SNCAIP: variants seen among roughly 807,000 people sequenced by gnomAD.
SNCAIP encodes synphilin-1.
A neutral mutation model predicts 86.7 loss-of-function variants in SNCAIP; 43 were observed. The ratio of observed to expected loss-of-function variants is 0.50; its 90% CI spans 0.39 to 0.64. The LOEUF (loss-of-function observed/expected upper bound fraction) is 0.64. Among genes scored for constraint, SNCAIP ranks in the 30% least tolerant of loss-of-function variants. SNCAIP has a pLI of 0.00. For missense variants in SNCAIP, 981 were observed against 1,103.1 expected (o/e 0.89, Z 1.57); for synonymous variants, 417 against 427.2 (o/e 0.98, Z 0.29).
intron 1 of SNCAIP, among the ~76,000 whole-genome samples, chr5:122,359,427 G>A (rs918808839): frequency 2.0e-5 from 3 of 150,524 alleles, no homozygotes; most frequent in Admixed American, 6.6e-5. Context: ...TCAGTGGTGC[G>A]ATACCAGCTC....
chr5:122,432,867 T>C (rs1221570184), intron 6 of SNCAIP, among the ~76,000 whole-genome samples: 2 of 152,194 alleles, frequency 1.3e-5, no homozygotes, highest in African/African-American at 4.8e-5. Flanking sequence ...ATAATAGTAC[T>C]GTGTTAAAAT....
At chr5:122,370,088 G>C (rs1432872262) in intron 1 of SNCAIP, 2 of 152,034 alleles carry the variant, frequency 1.3e-5, no homozygotes, top group Non-Finnish European at 2.9e-5. Flanking sequence ...CCAACACTAA[G>C]AAAAATTAAA....
At chr5:122,430,863 A>G (rs1778283527) in intron 5 of SNCAIP, among the ~76,000 whole-genome samples, 1 of 152,020 alleles carries the variant, frequency 6.6e-6, no homozygotes, top group African/African-American at 2.4e-5. Context: ...AAAAATGTAA[A>G]AGTTGAGGAT....
At chr5:122,419,964 A>G (rs1776053103) in intron 3 of SNCAIP, among the ~76,000 whole-genome samples, 3 of 152,328 alleles carry the variant, frequency 2.0e-5, no homozygotes, top group African/African-American at 7.2e-5. Flanking sequence ...TGTCTTTTGT[A>G]TATAGCACAA....
At chr5:122,442,049 G>A (rs925623960) in intron 7 of SNCAIP, among the ~76,000 whole-genome samples, 10 of 150,492 alleles carry the variant, frequency 6.6e-5, no homozygotes, top group African/African-American at 1.7e-4. Context: ...AAGTTCATAC[G>A]GTTCAAAATA....
intron 1 of SNCAIP, chr5:122,389,772 G>C (rs1472737928): frequency 2.6e-5 from 4 of 152,092 alleles, no homozygotes; most frequent in Admixed American, 6.6e-5. Context: ...TTCTTGGATG[G>C]ACTCTGTATC....
intron 10 of SNCAIP, among the ~76,000 whole-genome samples, chr5:122,462,832 G>A (rs1250171107): frequency 6.6e-6 from 1 of 152,202 alleles, no homozygotes; most frequent in Non-Finnish European, 1.5e-5. Context: ...TTTACACCCA[G>A]AATGGGAGTA....
At chr5:122,395,732 G>T (rs1048915612) in intron 2 of SNCAIP, among the ~76,000 whole-genome samples, 2 of 152,006 alleles carry the variant, frequency 1.3e-5, no homozygotes, top group Admixed American at 6.6e-5. Context: ...CCCAGATTTT[G>T]TTACATTTTG....
intron 3 of SNCAIP, among the ~76,000 whole-genome samples, chr5:122,420,753 T>G (rs1049794825): frequency 3.9e-5 from 6 of 152,190 alleles, no homozygotes; most frequent in African/African-American, 1.4e-4. Flanking sequence ...AGTCATTAAT[T>G]TTTCATGGCT....
chr5:122,336,685 C>G (rs1284026863), intron 1 of SNCAIP: 1 of 152,372 alleles, frequency 6.6e-6, no homozygotes, highest in Admixed American at 6.5e-5. Context: ...TCTACAGCCT[C>G]AAACTTCTAG....
At chr5:122,411,770 C>T (rs1045824143) in intron 3 of SNCAIP, among the ~76,000 whole-genome samples, 2 of 152,142 alleles carry the variant, frequency 1.3e-5, no homozygotes, top group Non-Finnish European at 1.5e-5. Context: ...TGCAGACTCT[C>T]ACAATCAAAA....
At chr5:122,391,065 C>T (rs1483125962) in intron 1 of SNCAIP, 24 bp from the exon 2 acceptor site, 7 of 1,369,114 alleles carry the variant, frequency 5.1e-6, no homozygotes, top group Admixed American at 3.4e-5. Context: ...TTTTGCCTTT[C>T]TTTTCTGCTT....
chr5:122,344,067 CTTACT>C (rs1758117691), intron 1 of SNCAIP, among the ~76,000 whole-genome samples: 1 of 152,182 alleles, frequency 6.6e-6, no homozygotes, highest in South Asian at 2.1e-4. Context: ...GTCTCTCTCA[CTTACT>C]TTACTCAATT....
chr5:122,417,030 G>A (rs926406006), intron 3 of SNCAIP, among the ~76,000 whole-genome samples: 3 of 151,988 alleles, frequency 2.0e-5, no homozygotes, highest in Admixed American at 6.6e-5. Context: ...AAATCATACC[G>A]CTTTTCTTTC....
At chr5:122,403,696 A>C in intron 2 of SNCAIP, 97 bp from the exon 3 acceptor site, 1 of 955,914 alleles carries the variant, frequency 1.0e-6, no homozygotes, top group Admixed American at 1.7e-5. Context: ...TGTTGTGCCC[A>C]AGTATCACTT....
chr5:122,433,343 A>G (rs968559700), intron 6 of SNCAIP, among the ~76,000 whole-genome samples: 1 of 152,160 alleles, frequency 6.6e-6, no homozygotes, highest in Non-Finnish European at 1.5e-5. Flanking sequence ...AGAGAGTTAC[A>G]TGACTTGCAC....
intron 1 of SNCAIP, among the ~76,000 whole-genome samples, chr5:122,317,963 C>T (rs1379935439): frequency 6.6e-6 from 1 of 152,000 alleles, no homozygotes; most frequent in Non-Finnish European, 1.5e-5. Flanking sequence ...ATCCATCCTC[C>T]TCACCGCTGC....
chr5:122,377,878 T>C (rs936549421), intron 1 of SNCAIP, among the ~76,000 whole-genome samples: 4 of 151,972 alleles, frequency 2.6e-5, no homozygotes, highest in Non-Finnish European at 5.9e-5. Flanking sequence ...CTCATCATTT[T>C]TTATGGCTGC....
chr5:122,360,257 G>A (rs1324023588), intron 1 of SNCAIP, among the ~76,000 whole-genome samples: 5 of 152,194 alleles, frequency 3.3e-5, no homozygotes, highest in Admixed American at 2.6e-4. Flanking sequence ...ATGTAAGAAT[G>A]TTTGCAAGTG....
Sources: allele counts gnomAD v4.1 joint callset (sites outside exome capture counted in the v4.1 genomes callset), GRCh38; gene constraint gnomAD v4.1.1; transcripts MANE v1.5; gene names NCBI Gene and HGNC (gene_info 2026-07-23, HGNC 2026-07-21).